SEMA3D: variants seen among roughly 807,000 people sequenced by gnomAD.
SEMA3D encodes the protein semaphorin-3D.
Under a neutral mutation model 100.1 loss-of-function variants are expected in SEMA3D, and 84 were observed. The observed-to-expected ratio is 0.84, with a 90% CI of 0.70 to 1.01. The LOEUF (loss-of-function observed/expected upper bound fraction) is 1.01. Among genes scored for constraint, SEMA3D ranks in the 50% least tolerant of loss-of-function variants. The probability of loss-of-function intolerance (pLI) is 0.00; values close to 1 mark genes in which losing one functional copy is unlikely to be tolerated. For missense variants in SEMA3D, 875 were observed against 934.1 expected, an observed-to-expected ratio of 0.94 and a Z score of 0.82; for synonymous variants, 312 against 320.7, an observed-to-expected ratio of 0.97 and a Z score of 0.29.
intron 3 of SEMA3D, among the ~76,000 whole-genome samples, chr7:85,101,399 T>C (rs985224787): frequency 6.6e-6 from 1 of 152,022 alleles, no homozygotes; most frequent in African/African-American, 2.4e-5. Context: ...AAATGAAATA[T>C]TACTTCTCAT....
intron 2 of SEMA3D, among the ~76,000 whole-genome samples, chr7:85,136,405 A>C (rs1307312601): frequency 6.6e-6 from 1 of 152,132 alleles, no homozygotes; most frequent in Non-Finnish European, 1.5e-5. Flanking sequence ...AAGCATCAGC[A>C]TTAAGTATAC....
At chr7:85,057,885 C>T (rs1791366258) in intron 8 of SEMA3D, among the ~76,000 whole-genome samples, 1 of 150,920 alleles carries the variant, frequency 6.6e-6, no homozygotes, top group African/African-American at 2.4e-5. Context: ...GAGCCGAGAT[C>T]ACACCAGGGC....
chr7:85,193,750 G>T, the SEMA3D span, among the ~76,000 whole-genome samples: 3 of 151,998 alleles, frequency 2.0e-5, no homozygotes, highest in East Asian at 5.8e-4. Context: ...AGCACTGAAG[G>T]ATACTTCCTC....
chr7:85,089,194 C>T (rs1191651899), intron 4 of SEMA3D, among the ~76,000 whole-genome samples: 1 of 152,096 alleles, frequency 6.6e-6, no homozygotes, highest in Admixed American at 6.5e-5. Flanking sequence ...TTGAAAGAAA[C>T]TTGCAGTAAA....
intron 9 of SEMA3D, among the ~76,000 whole-genome samples, chr7:85,051,791 T>C (rs1443691882): frequency 1.3e-5 from 2 of 151,948 alleles, no homozygotes; most frequent in Non-Finnish European, 2.9e-5. Flanking sequence ...AATATATCTC[T>C]TTGCACATGT....
At chr7:85,097,000 A>T (rs573170822) in intron 4 of SEMA3D, among the ~76,000 whole-genome samples, 3 of 151,958 alleles carry the variant, frequency 2.0e-5, no homozygotes, top group Admixed American at 2.0e-4. Context: ...AGACAATAGA[A>T]GATGTTTCAA....
At chr7:85,117,421 CA>C (rs1164737688) in intron 3 of SEMA3D, among the ~76,000 whole-genome samples, 2 of 152,122 alleles carry the variant, frequency 1.3e-5, no homozygotes. Flanking sequence ...AATAGTTATC[CA>C]AATTACATTT....
the SEMA3D span, among the ~76,000 whole-genome samples, chr7:85,204,285 C>A: frequency 6.7e-6 from 1 of 149,480 alleles, no homozygotes; most frequent in Non-Finnish European, 1.5e-5. Context: ...ATCAAAGGAG[C>A]ATTACACCAA....
At chr7:85,081,626 C>T (rs765834646) in intron 4 of SEMA3D, 47 bp from the exon 5 acceptor site, 7 of 1,263,216 alleles carry the variant, frequency 5.5e-6, no homozygotes, top group Admixed American at 1.7e-5. Flanking sequence ...TCTGAAACAC[C>T]CTAACACTCT....
chr7:85,163,032 A>C, intron 1 of SEMA3D: 1 of 926,270 alleles, frequency 1.1e-6, no homozygotes, highest in Non-Finnish European at 1.3e-6. Context: ...AAGGATGTGA[A>C]GTAAGAATAT....
At chr7:85,197,711 C>T in the SEMA3D span, among the ~76,000 whole-genome samples, 4 of 152,196 alleles carry the variant, frequency 2.6e-5, no homozygotes, top group African/African-American at 9.6e-5. Flanking sequence ...CATTGGCAAC[C>T]CTTTGGCAGT....
intron 12 of SEMA3D, among the ~76,000 whole-genome samples, chr7:85,031,624 A>G (rs574968486): frequency 3.9e-5 from 6 of 152,080 alleles, no homozygotes; most frequent in African/African-American, 1.4e-4. Context: ...GTTTCATTCC[A>G]GTCATAACAA....
At position 85,018,823 on chromosome 7, in the gene SEMA3D, TA is replaced by T. The variant is rs772444836; in HGVS notation, c.1504-531del. Among the ~76,000 whole-genome samples, 7 of 151,630 alleles carry T rather than the reference TA, an allele frequency of 4.6e-5. No homozygotes were observed. The East Asian group carries it at 9.8e-4, about 21-fold the overall frequency. On this transcript the variant is annotated intron_variant, in intron 14 of 18. Transcript: ENST00000284136. ...TATGAACTAAGGCTAGTTTTGTTTG[TA>T]AAAAAATATGGCTCAATGCATGCAA...
chr7:85,045,341 T>C (rs1790978138), intron 9 of SEMA3D, among the ~76,000 whole-genome samples: 2 of 152,036 alleles, frequency 1.3e-5, no homozygotes, highest in African/African-American at 2.4e-5. Context: ...GTCTGTATGT[T>C]ATTAAGTGCA....
intron 16 of SEMA3D, among the ~76,000 whole-genome samples, chr7:85,014,084 A>G (rs1790031261): frequency 2.0e-5 from 3 of 151,818 alleles, no homozygotes; most frequent in African/African-American, 7.2e-5. Flanking sequence ...TCTAATTTTA[A>G]GTAATATTTG....
chr7:85,077,950 G>C (rs1355211633), intron 5 of SEMA3D, among the ~76,000 whole-genome samples: 2 of 151,910 alleles, frequency 1.3e-5, no homozygotes, highest in Non-Finnish European at 2.9e-5. Context: ...CTAACAATAG[G>C]GGATTGATTA....
intron 3 of SEMA3D, among the ~76,000 whole-genome samples, chr7:85,105,800 T>A (rs1011429218): frequency 6.6e-6 from 1 of 152,070 alleles, no homozygotes; most frequent in African/African-American, 2.4e-5. Flanking sequence ...ACAGATGATA[T>A]CACATAGGGA....
rs1262668510 is a variant in SEMA3D, at chr7:84,996,651, G to A, written c.*2789C>T. On this transcript the variant is annotated 3_prime_UTR_variant, in exon 19 of 19. Coordinates refer to ENST00000284136, the MANE Select transcript of SEMA3D (RefSeq NM_001384900.1). ...ATGCAGACATGCGGGATTCTATTTA[G>A]CAGCATAAATTGCTGAAATGAAATT... 1 of 152,346 alleles carries A rather than the reference G, an allele frequency of 6.6e-6. No homozygotes were observed. Among genetic ancestry groups the A allele is most frequent in the African/African-American group, 2.4e-5 (1 of 41,446 alleles). 9.4% of individuals were successfully genotyped at this position (152,346 alleles called of 1,614,324 possible).
intron 13 of SEMA3D, 138 bp from the exon 14 acceptor site, chr7:85,020,459 T>C (rs1790224888): frequency 1.6e-6 from 1 of 634,698 alleles, no homozygotes; most frequent in Non-Finnish European, 2.8e-6. Context: ...GAAACATGCA[T>C]GAACTGAAGC....
Sources: allele counts gnomAD v4.1 joint callset (sites outside exome capture counted in the v4.1 genomes callset), GRCh38; gene constraint gnomAD v4.1.1; transcripts MANE v1.5; gene names NCBI Gene and HGNC (gene_info 2026-07-23, HGNC 2026-07-21).